Variants in PNPLA6 observed in about 807,000 individuals in gnomAD.
The protein encoded by PNPLA6 is patatin like domain 6, lysophospholipase.
A neutral mutation model predicts 153.7 loss-of-function variants in PNPLA6; 105 were observed. The observed-to-expected ratio is 0.68, with a 90% CI of 0.58 to 0.80. The LOEUF (loss-of-function observed/expected upper bound fraction) is 0.80. Ranked by LOEUF, PNPLA6 falls within the 30% of genes least tolerant of loss-of-function variation. The probability of loss-of-function intolerance (pLI) is 0.00; values close to 1 mark genes in which losing one functional copy is unlikely to be tolerated. For missense variants in PNPLA6, 1,423 were observed against 1,919.3 expected (o/e 0.74, Z 4.83); for synonymous variants, 825 against 822.2 (o/e 1.00, Z -0.06).
chr19:7,559,759 G>C lies in PNPLA6; in HGVS notation c.3699+608G>C, dbSNP rs749190394. Among the ~76,000 whole-genome samples the C allele has an allele frequency of 1.3e-5, 2 of 151,998 alleles. 1 individual carries two copies. The highest frequency in any genetic ancestry group is 2.9e-5 in the Non-Finnish European group (2 of 68,008). ...CTTAGGGGGCTGAGGTGGGAGGACC[G>C]CTCGAGCCCAGGAGTTTGAAGCTGC... On this transcript the variant is annotated intron_variant, in intron 28 of 31. Transcript: ENST00000600737.
chr19:7,541,082 T>C lies in PNPLA6; in HGVS notation c.924+31T>C, dbSNP rs2146054186. ...TGGGCCTTCGCCTCCTGTCACCCCC[T>C]GAGGGACCCCACCCTGGCCCCCACC... On this transcript the variant is annotated intron_variant, in intron 7 of 31. Coordinates refer to ENST00000600737, the MANE Select transcript of PNPLA6 (RefSeq NM_001166114.2). The surrounding 1 kb of genome is among the most constrained non-coding windows in gnomAD (Gnocchi z 5.2). 6.2e-7 allele frequency: 1 copy of C among 1,600,724 alleles called. No individual in the cohort carries two copies. Among genetic ancestry groups the C allele is most frequent in the Admixed American group, 1.7e-5 (1 of 58,596 alleles).
rs1251079199 is a variant in PNPLA6 at position 7,542,618 on chromosome 19, C to T, written c.1310C>T (p.Ser437Phe). 1.2e-6 allele frequency: 2 copies of T among 1,613,534 alleles called. No individual in the cohort carries two copies. Among genetic ancestry groups the T allele is most frequent in the African/African-American group, 1.3e-5 (1 of 74,934 alleles). The stretch of plus-strand genomic sequence containing the variant: ...ATGGCCTATGAGCGTGGCCGGATCT[C>T]CGTGTCCCTGCAGGAAGAGGCCTCC... ...FDMAYERGRI[S>F]VSLQEEASGG... is the part of the protein sequence containing the mutation. Residue 437 changes from serine (S) to phenylalanine (F), a missense_variant, in exon 11 of 32, where the codon TCC (serine) becomes TTC (phenylalanine). Around this residue, in one of 10 missense-constraint regions of PNPLA6, gnomAD observed 267 missense variants for 255.1 expected, o/e 1.05. Transcript: ENST00000600737.
Position 7,561,334 on chromosome 19 carries a change from C to T in PNPLA6, c.4023+17C>T, listed in dbSNP as rs2024092154. On this transcript the variant is annotated intron_variant, in intron 31 of 31. Coordinates refer to ENST00000600737, the MANE Select transcript of PNPLA6 (RefSeq NM_001166114.2). Reference sequence around the variant, plus strand: ...TCCGAGATGGTGAGAGTGGGTGGCCCAGGGTCCCCTCACATCCCCCAGAGG... The same window carrying T: ...TCCGAGATGGTGAGAGTGGGTGGCCTAGGGTCCCCTCACATCCCCCAGAGG... 3.8e-6 allele frequency: 6 copies of T among 1,566,464 alleles called. No individual in the cohort carries two copies. Among genetic ancestry groups the T allele is most frequent in the Non-Finnish European group, 4.4e-6 (5 of 1,147,178 alleles).
At chr19:7,544,639 C>T (rs1289569166) in intron 13 of PNPLA6, among the ~76,000 whole-genome samples, 1 of 151,908 alleles carries the variant, frequency 6.6e-6, no homozygotes, top group Non-Finnish European at 1.5e-5. Context: ...GCACTGGGAC[C>T]CCAGCTCTGC....
At chr19:7,560,955 CCAGGGGCCCCAAG>C (rs1301258704) in intron 29 of PNPLA6, 46 bp from the exon 30 acceptor site, 3 of 1,107,616 alleles carry the variant, frequency 2.7e-6, no homozygotes, top group Non-Finnish European at 4.0e-6. Flanking sequence ...ACTGGGCCCC[CCAGGGGCCCCAAG>C]ACTCTGTGGG....
chr19:7,543,555 T>C (rs967792189), intron 13 of PNPLA6, among the ~76,000 whole-genome samples: 1 of 151,960 alleles, frequency 6.6e-6, no homozygotes, highest in Non-Finnish European at 1.5e-5. Context: ...TGTAGGAAAA[T>C]GTATCCTACC....
Position 7,541,515 on chromosome 19 carries a change from C to A in PNPLA6, c.1006-7C>A. The A allele has an allele frequency of 6.2e-7, 1 of 1,610,358 alleles. No individual in the cohort carries two copies. The highest frequency in any genetic ancestry group is 8.5e-7 in the Non-Finnish European group (1 of 1,178,498). On this transcript the variant is annotated splice_region_variant and splice_polypyrimidine_tract_variant and intron_variant, in intron 8 of 31. Coordinates refer to ENST00000600737, the MANE Select transcript of PNPLA6 (RefSeq NM_001166114.2). This position sits in a 1 kb window ranked among gnomAD's most constrained non-coding sequence, Gnocchi z 5.2. ...AGGACAGGCCACAAGCTGTTCTCTG[C>A]CCCCAGGAGATCCAGCCCCTGCGTC...
rs1165177141 is a variant in PNPLA6, at chr19:7,556,662, G to A, written c.3218G>A (p.Trp1073Ter). ...VFQDKQIEDLWLPYFNVTTDI... is the reference protein window; with the variant it reads ...VFQDKQIEDL Reference sequence around the variant, plus strand: ...CGATCCCTGTCCCCGCAGGACCTGTGGCTGCCTTACTTCAACGTGACCACA... The same window carrying A: ...CGATCCCTGTCCCCGCAGGACCTGTAGCTGCCTTACTTCAACGTGACCACA... Residue 1073 changes from tryptophan to a stop codon, truncating the protein, a stop_gained, in exon 26 of 32, where the codon TGG (tryptophan) becomes TAG (stop). Coordinates refer to ENST00000600737, the MANE Select transcript of PNPLA6 (RefSeq NM_001166114.2). LOFTEE classifies it high-confidence loss of function. The A allele has an allele frequency of 1.2e-6, 2 of 1,613,520 alleles. No individual in the cohort carries two copies.
chr19:7,540,883 C>T lies in PNPLA6; in HGVS notation c.796-40C>T. The T allele has an allele frequency of 6.2e-7, 1 of 1,612,666 alleles. No individual in the cohort carries two copies. Among genetic ancestry groups the T allele is most frequent in the Non-Finnish European group, 8.5e-7 (1 of 1,179,714 alleles). ...GGGGAGTAGCGAGGGGGACTCGCAG[C>T]CTCTGCCCTTGTCTCTCTTCACGCC... On this transcript the variant is annotated intron_variant, in intron 6 of 31. Transcript: ENST00000600737. The surrounding 1 kb of genome is among the most constrained non-coding windows in gnomAD (Gnocchi z 6.8).
rs767771607 is a variant in PNPLA6, at chr19:7,550,501, C to T, written c.1947-16C>T. Reference sequence around the variant, plus strand: ...CTGGGGGTGGTCAGACCTTGCTGACCTCCACGCCCACTCAGGCAGGGCGAC... The same window carrying T: ...CTGGGGGTGGTCAGACCTTGCTGACTTCCACGCCCACTCAGGCAGGGCGAC... On this transcript the variant is annotated splice_polypyrimidine_tract_variant and intron_variant, in intron 15 of 31. Coordinates refer to ENST00000600737, the MANE Select transcript of PNPLA6 (RefSeq NM_001166114.2). The T allele has an allele frequency of 6.2e-7, 1 of 1,612,928 alleles. No homozygotes were observed. Among genetic ancestry groups the T allele is most frequent in the Non-Finnish European group, 8.5e-7 (1 of 1,179,910 alleles).
In PNPLA6 at chr19:7,540,213, C is replaced by T. The variant is rs751202036; in HGVS notation, c.619C>T (p.Leu207=). The T allele has an allele frequency of 6.2e-7, 1 of 1,610,420 alleles. No individual in the cohort carries two copies. The highest frequency in any genetic ancestry group is 1.1e-5 in the South Asian group (1 of 91,088). The part of the protein sequence containing the change: ...ELCRHMVFQR[L]GQGDYVFRPG... ...CTGCCGCCACATGGTCTTCCAGCGG[C>T]TGGGCCAGGGTGACTACGTCTTCCG... Residue 207 remains leucine, a synonymous_variant, in exon 5 of 32, where the codon CTG becomes TTG. Coordinates refer to ENST00000600737, the MANE Select transcript of PNPLA6 (RefSeq NM_001166114.2). This position sits in a 1 kb window ranked among gnomAD's most constrained non-coding sequence, Gnocchi z 6.8.
At chr19:7,536,926 C>CAAAAAA (rs56310906) in intron 3 of PNPLA6, among the ~76,000 whole-genome samples, 25 of 53,886 alleles carry the variant, frequency 4.6e-4, no homozygotes, top group South Asian at 1.5e-3. Context: ...GACTCTGTCT[C>CAAAAAA]AAAAAAAAAA....
intron 3 of PNPLA6, among the ~76,000 whole-genome samples, chr19:7,537,591 A>G (rs111675282): frequency 0.012 from 1,845 of 152,294 alleles, 41 homozygotes; most frequent in African/African-American, 0.043. Context: ...ACACCAGGGC[A>G]GGGCTCTCCA....
intron 13 of PNPLA6, among the ~76,000 whole-genome samples, chr19:7,549,305 G>A (rs959235403): frequency 8.7e-5 from 13 of 148,714 alleles, no homozygotes; most frequent in African/African-American, 3.2e-4. Flanking sequence ...TCCTGCCTCA[G>A]CCTCCCAAGT....
rs938349720 is a variant in PNPLA6 at position 7,541,742 on chromosome 19, G to T, written c.1168+58G>T. The T allele has an allele frequency of 1.2e-5, 18 of 1,518,530 alleles. No individual in the cohort carries two copies. The highest frequency in any genetic ancestry group is 1.6e-5 in the Non-Finnish European group (18 of 1,127,908). The allele number at this position is 1,518,530 out of a possible 1,614,324, so 94.1% of individuals were successfully genotyped here. ...TCTCCCAGGAAGCCCCGTCTCAGCCGCCAGCCCCTTTTTCAGTTCTGCATA... is the reference window on the plus strand; with the variant it reads ...TCTCCCAGGAAGCCCCGTCTCAGCCTCCAGCCCCTTTTTCAGTTCTGCATA... On this transcript the variant is annotated intron_variant, in intron 9 of 31. Transcript: ENST00000600737. This position sits in a 1 kb window ranked among gnomAD's most constrained non-coding sequence, Gnocchi z 5.2.
At position 7,556,531 on chromosome 19, in the gene PNPLA6, C is replaced by T. The variant is rs576986571; in HGVS notation, c.3172C>T (p.Arg1058Cys). 11 of 1,613,656 alleles carry T rather than the reference C, an allele frequency of 6.8e-6. No homozygotes were observed. Among genetic ancestry groups the T allele is most frequent in the East Asian group, 4.5e-5 (2 of 44,858 alleles). ...CATGTTCACTGGGTCTGCCTTTAAC[C>T]GCAGCATCCATCGGGTCTTCCAGGA... Reference protein sequence around the residue: ...TSMFTGSAFNRSIHRVFQDKQ... With the variant: ...TSMFTGSAFNCSIHRVFQDKQ... The change falls in exon 25 of 32, where the codon CGC becomes TGC. Residue 1058 changes from arginine (R) to cysteine (C), a missense_variant. By Grantham distance (180) the Arg-to-Cys change is radical. This residue lies in a region of PNPLA6 where 643 missense variants were observed against 835.2 expected (regional missense o/e 0.77). Coordinates refer to ENST00000600737, the MANE Select transcript of PNPLA6 (RefSeq NM_001166114.2).
chr19:7,555,625 A>C lies in PNPLA6; in HGVS notation c.2955A>C (p.Gly985=). 1 of 1,612,270 alleles carries C rather than the reference A, an allele frequency of 6.2e-7. No individual in the cohort carries two copies. The part of the protein sequence containing the change: ...GGGARGCSHI[G]VLKALEEAGV... ...CCGGCAGGGGCTGCTCGCACATCGGAGTACTAAAGGCATTAGAGGAGGCGG... is the reference window on the plus strand; with the variant it reads ...CCGGCAGGGGCTGCTCGCACATCGGCGTACTAAAGGCATTAGAGGAGGCGG... The change falls in exon 24 of 32, where the codon GGA becomes GGC. Residue 985 remains glycine, a synonymous_variant. Coordinates refer to ENST00000600737, the MANE Select transcript of PNPLA6 (RefSeq NM_001166114.2). This position sits in a 1 kb window ranked among gnomAD's most constrained non-coding sequence, Gnocchi z 6.3.
chr19:7,560,931 G>A, intron 29 of PNPLA6, 83 bp from the exon 30 acceptor site: 1 of 888,878 alleles, frequency 1.1e-6, no homozygotes, highest in African/African-American at 1.7e-5. Flanking sequence ...TCTCCTCTGA[G>A]CCCCCAATGC....
rs1233240444 is a variant in PNPLA6, at chr19:7,541,973, G to C, written c.1169-11G>C. The C allele has an allele frequency of 6.2e-7, 1 of 1,605,964 alleles. No individual in the cohort carries two copies. The highest frequency in any genetic ancestry group is 8.5e-7 in the Non-Finnish European group (1 of 1,178,236). Reference sequence around the variant, plus strand: ...CTGAGGGGCAGGAGCCTGAACATGTGTCTCCCCCAGGGGACCCTGTGAAGC... The same window carrying C: ...CTGAGGGGCAGGAGCCTGAACATGTCTCTCCCCCAGGGGACCCTGTGAAGC... On this transcript the variant is annotated splice_polypyrimidine_tract_variant and intron_variant, in intron 9 of 31. Coordinates refer to ENST00000600737, the MANE Select transcript of PNPLA6 (RefSeq NM_001166114.2). This position sits in a 1 kb window ranked among gnomAD's most constrained non-coding sequence, Gnocchi z 5.2.
Sources: allele counts gnomAD v4.1 joint callset (sites outside exome capture counted in the v4.1 genomes callset), GRCh38; gene constraint gnomAD v4.1.1; regional missense constraint gnomAD v4.1.1; non-coding constraint Gnocchi (gnomAD v3.1); transcripts MANE v1.5; gene names NCBI Gene and HGNC (gene_info 2026-07-23, HGNC 2026-07-21).